Variants in SPATA31D1 observed in about 807,000 individuals in gnomAD.
The protein encoded by SPATA31D1 is SPATA31 subfamily D member 1, also known as spermatogenesis-associated protein 31D1.
Under a neutral mutation model 13.2 loss-of-function variants are expected in SPATA31D1, and 6 were observed. That is an observed-to-expected ratio of 0.46 (90% CI 0.25 to 0.90). SPATA31D1 has a LOEUF of 0.90. SPATA31D1 is among the 40% of genes least tolerant of loss of function. The pLI is 0.18. For missense variants in SPATA31D1, 2,445 were observed against 1,884.7 expected (o/e 1.30, Z -5.50); for synonymous variants, 903 against 718.8 (o/e 1.26, Z -4.10).
chr9:81,992,323 C>T lies in SPATA31D1; in HGVS notation c.1853C>T (p.Pro618Leu). The part of the protein sequence containing the change: ...RPQNEARSLL[P>L]SEINHLEWNV... ...CAGAACGAGGCACGGTCTCTTTTGC[C>T]ATCTGAAATTAACCATCTGGAGTGG... Residue 618 changes from proline (P) to leucine (L), a missense_variant, in exon 4 of 4, where the codon CCA (proline) becomes CTA (leucine). Pro to Leu is a moderately conservative substitution (Grantham distance 98, BLOSUM62 -3). Coordinates refer to ENST00000344803, the MANE Select transcript of SPATA31D1 (RefSeq NM_001001670.3). 2.5e-6 allele frequency: 4 copies of T among 1,613,800 alleles called. No homozygotes were observed. Among genetic ancestry groups the T allele is most frequent in the Non-Finnish European group, 3.4e-6 (4 of 1,179,732 alleles).
intron 1 of SPATA31D1, 105 bp downstream of exon 1, chr9:81,989,109 G>A (rs11789866): frequency 6.8e-7 from 1 of 1,476,346 alleles, no homozygotes; most frequent in African/African-American, 1.4e-5. Context: ...ACATGTTTTA[G>A]ATGGGAAGTC....
At chr9:81,987,731 C>T (rs1285964484), upstream of SPATA31D1, among the ~76,000 whole-genome samples, 1 of 151,942 alleles carries the variant, frequency 6.6e-6, no homozygotes, top group Non-Finnish European at 1.5e-5. Context: ...AACCATGCCC[C>T]AGAGAGTTGA....
In SPATA31D1 at chr9:81,995,148, C is replaced by T. The variant is rs748183023; in HGVS notation, c.4678C>T (p.Gln1560Ter). The change falls in exon 4 of 4, where the codon CAG becomes TAG. Residue 1560 changes from glutamine (Q) to a stop codon, truncating the protein, a stop_gained. Coordinates refer to ENST00000344803, the MANE Select transcript of SPATA31D1 (RefSeq NM_001001670.3). LOFTEE classifies it low-confidence loss of function (END_TRUNC). ...VFSDVPFLTGQKMLPKHLQGG... is the reference protein window; with the variant it reads ...VFSDVPFLTG ...TAGTGATGTGCCTTTCCTAACTGGACAGAAAATGCTTCCAAAGCATTTACA... is the reference window on the plus strand; with the variant it reads ...TAGTGATGTGCCTTTCCTAACTGGATAGAAAATGCTTCCAAAGCATTTACA... 26 of 1,586,704 alleles carry T rather than the reference C, an allele frequency of 1.6e-5. No homozygotes were observed. The highest frequency in any genetic ancestry group is 2.2e-5 in the Non-Finnish European group (26 of 1,165,502).
chr9:81,993,035 C>T lies in SPATA31D1; in HGVS notation c.2565C>T (p.His855=). 3 of 1,613,782 alleles carry T rather than the reference C, an allele frequency of 1.9e-6. No individual in the cohort carries two copies. Among genetic ancestry groups the T allele is most frequent in the Non-Finnish European group, 2.5e-6 (3 of 1,179,730 alleles). ...CTGGGACTGTGCATAGTTCATGGCA[C>T]TCAGTCAAGCAGACAATGTCTCTTC... The part of the protein sequence containing the change: ...RMPGTVHSSW[H]SVKQTMSLPE... Residue 855 remains histidine (H), a synonymous_variant, in exon 4 of 4, where the codon CAC becomes CAT. Coordinates refer to ENST00000344803, the MANE Select transcript of SPATA31D1 (RefSeq NM_001001670.3).
rs139638496 is a variant in SPATA31D1 at position 81,994,077 on chromosome 9, C to A, written c.3607C>A (p.Gln1203Lys). Reference sequence around the variant, plus strand: ...TCCTAAATCATCATACCTTAAAAATCAGATGTTGAGCCAGTTAAAGTTGGT... The same window carrying A: ...TCCTAAATCATCATACCTTAAAAATAAGATGTTGAGCCAGTTAAAGTTGGT... ...QDPKSSYLKN[Q>K]MLSQLKLVQR... The change falls in exon 4 of 4, where the codon CAG becomes AAG. Residue 1203 changes from glutamine to lysine, a missense_variant. Transcript: ENST00000344803. 540 of 1,613,804 alleles carry A rather than the reference C, an allele frequency of 3.3e-4. 2 individuals are homozygous for A. The African/African-American group carries it at 6.7e-3, about 20-fold the overall frequency.
rs1461737263 is a variant in SPATA31D1, at chr9:81,993,431, C to G, written c.2961C>G (p.His987Gln). Residue 987 changes from histidine to glutamine, a missense_variant, in exon 4 of 4, where the codon CAC becomes CAG. Physicochemically the swap from His to Gln is conservative, Grantham distance 24 (BLOSUM62 0). Transcript: ENST00000344803. ...TSSVPILDRP[H>Q]PVSSPVVQEG... ...CAGTCCCCATCCTTGATCGTCCTCACCCTGTCTCCTCACCTGTCGTCCAAG... is the reference window on the plus strand; with the variant it reads ...CAGTCCCCATCCTTGATCGTCCTCAGCCTGTCTCCTCACCTGTCGTCCAAG... 2.5e-6 allele frequency: 4 copies of G among 1,613,942 alleles called. No homozygotes were observed. Among genetic ancestry groups the G allele is most frequent in the Admixed American group, 1.7e-5 (1 of 60,016 alleles).
upstream of SPATA31D1, among the ~76,000 whole-genome samples, chr9:81,988,403 A>G (rs1213431655): frequency 1.3e-5 from 2 of 152,232 alleles, no homozygotes; most frequent in East Asian, 3.8e-4. Context: ...GACATATGTG[A>G]TCCTGAGAGT....
rs1564176085 is a variant in SPATA31D1 at position 81,994,486 on chromosome 9, C to A, written c.4016C>A (p.Thr1339Asn). 7 of 1,613,426 alleles carry A rather than the reference C, an allele frequency of 4.3e-6. No homozygotes were observed. Among genetic ancestry groups the A allele is most frequent in the Non-Finnish European group, 5.9e-6 (7 of 1,179,626 alleles). Reference protein sequence around the residue: ...GEVLGSKSSPTLKTQPPPENL... With the variant: ...GEVLGSKSSPNLKTQPPPENL... ...GTGCTTGGGAGCAAATCTTCCCCAA[C>A]CTTGAAAACACAGCCTCCTCCTGAA... Residue 1339 changes from threonine to asparagine, a missense_variant, in exon 4 of 4, where the codon ACC becomes AAC. Coordinates refer to ENST00000344803, the MANE Select transcript of SPATA31D1 (RefSeq NM_001001670.3).
At position 81,992,600 on chromosome 9, in the gene SPATA31D1, G is replaced by A; in HGVS notation, c.2130G>A (p.Leu710=). ...TGCCCCGCAGAATCCATGAGTCTCT[G>A]TCATTGCTACGTCCTCAGAGCAAAA... The part of the protein sequence containing the change: ...WGLPRRIHES[L]SLLRPQSKIS... Residue 710 remains leucine, a synonymous_variant, in exon 4 of 4, where the codon CTG becomes CTA. Transcript: ENST00000344803. The A allele has an allele frequency of 6.2e-7, 1 of 1,612,808 alleles. No homozygotes were observed. The highest frequency in any genetic ancestry group is 8.5e-7 in the Non-Finnish European group (1 of 1,179,732).
In SPATA31D1 at chr9:81,993,655, G is replaced by T; in HGVS notation, c.3185G>T (p.Gly1062Val). ...VTSPVNQEKQ[G>V]TLRREFSDTD... Reference sequence around the variant, plus strand: ...TCACCTGTCAACCAAGAAAAGCAGGGGACCCTGAGAAGAGAATTCTCTGAT... The same window carrying T: ...TCACCTGTCAACCAAGAAAAGCAGGTGACCCTGAGAAGAGAATTCTCTGAT... Residue 1062 changes from glycine (G) to valine (V), a missense_variant, in exon 4 of 4, where the codon GGG becomes GTG. Physicochemically the swap from Gly to Val is moderately radical, Grantham distance 109 (BLOSUM62 -3). Transcript: ENST00000344803. 6.2e-7 allele frequency: 1 copy of T among 1,613,956 alleles called. No homozygotes were observed. Among genetic ancestry groups the T allele is most frequent in the South Asian group, 1.1e-5 (1 of 91,082 alleles).
Position 81,992,539 on chromosome 9 carries a change from A to G in SPATA31D1, c.2069A>G (p.His690Arg). ...GAGGTAAGGAAGAAACTAGAGCAACACATTCGAAGGAGGCTCATCCAGCGC... is the reference window on the plus strand; with the variant it reads ...GAGGTAAGGAAGAAACTAGAGCAACGCATTCGAAGGAGGCTCATCCAGCGC... ...SSEVRKKLEQ[H>R]IRRRLIQRRW... Residue 690 changes from histidine (H) to arginine (R), a missense_variant, in exon 4 of 4, where the codon CAC (histidine) becomes CGC (arginine). Transcript: ENST00000344803. 2 of 1,611,966 alleles carry G rather than the reference A, an allele frequency of 1.2e-6. No homozygotes were observed. The highest frequency in any genetic ancestry group is 1.7e-6 in the Non-Finnish European group (2 of 1,179,722).
chr9:81,989,311 G>C (rs575972387), intron 1 of SPATA31D1, among the ~76,000 whole-genome samples: 1 of 152,312 alleles, frequency 6.6e-6, no homozygotes, highest in South Asian at 2.1e-4. Flanking sequence ...TTTAGAGATT[G>C]TGGGCTCTCT....
Position 81,988,931 on chromosome 9 carries a change from T to G in SPATA31D1, c.113T>G (p.Phe38Cys). ...NFICLSGLGLFILYLFYVVLT... is the reference protein window; with the variant it reads ...NFICLSGLGLCILYLFYVVLT... ...ATCTGCTTGAGTGGGTTGGGGTTGT[T>G]TATACTGTACTTGTTCTACGTGGTA... The change falls in exon 1 of 4, where the codon TTT (phenylalanine) becomes TGT (cysteine). Residue 38 changes from phenylalanine to cysteine, a missense_variant. Physicochemically the swap from Phe to Cys is radical, Grantham distance 205 (BLOSUM62 -2). Transcript: ENST00000344803. The G allele has an allele frequency of 6.2e-7, 1 of 1,612,482 alleles. No homozygotes were observed. Among genetic ancestry groups the G allele is most frequent in the Non-Finnish European group, 8.5e-7 (1 of 1,179,710 alleles).
upstream of SPATA31D1, chr9:81,988,689 T>C: frequency 6.9e-7 from 1 of 1,454,068 alleles, no homozygotes; most frequent in Admixed American, 2.1e-5. Flanking sequence ...CACACCCTCC[T>C]CTTGTTGCTC....
At position 81,990,445 on chromosome 9, in the gene SPATA31D1, AGAAGAG is replaced by A. The variant is rs1824928161; in HGVS notation, c.271_276del (p.Glu91_Glu92del). The A allele has an allele frequency of 6.2e-7, 1 of 1,608,808 alleles. No individual in the cohort carries two copies. The highest frequency in any genetic ancestry group is 1.3e-5 in the African/African-American group (1 of 74,880). ...TCCCAGACTGGAAAAGTTTCCAGAG[AGAAGAG>A]GAAGAGGAAAGGAAGCTGCTTTCTC... On this transcript the variant is annotated inframe_deletion, in exon 3 of 4. Transcript: ENST00000344803.
In SPATA31D1 at chr9:81,990,965, G is replaced by A. The variant is rs751217858; in HGVS notation, c.495G>A (p.Ala165=). 1.5e-5 allele frequency: 25 copies of A among 1,613,668 alleles called. No individual in the cohort carries two copies. The highest frequency in any genetic ancestry group is 1.2e-4 in the African/African-American group (9 of 74,896). ...SVSPLASSAS[A]TESSFTLAST... Reference sequence around the variant, plus strand: ...CCCCTTTGGCTTCTTCGGCTTCTGCGACTGAGTCATCGTTCACTCTGGCTT... The same window carrying A: ...CCCCTTTGGCTTCTTCGGCTTCTGCAACTGAGTCATCGTTCACTCTGGCTT... Residue 165 remains alanine, a synonymous_variant, in exon 4 of 4, where the codon GCG becomes GCA. Transcript: ENST00000344803.
intron 3 of SPATA31D1, 126 bp from the exon 4 acceptor site, chr9:81,990,647 G>A (rs1824933763): frequency 7.3e-7 from 1 of 1,376,018 alleles, no homozygotes; most frequent in Non-Finnish European, 9.9e-7. Context: ...GCTATAGTGA[G>A]GTCATAGGAC....
chr9:81,991,781 A>G lies in SPATA31D1; in HGVS notation c.1311A>G (p.Ser437=). The G allele has an allele frequency of 1.2e-6, 2 of 1,613,810 alleles. No individual in the cohort carries two copies. Among genetic ancestry groups the G allele is most frequent in the Non-Finnish European group, 1.7e-6 (2 of 1,179,732 alleles). Residue 437 remains serine, a synonymous_variant, in exon 4 of 4, where the codon TCA becomes TCG. Coordinates refer to ENST00000344803, the MANE Select transcript of SPATA31D1 (RefSeq NM_001001670.3). ...MWKENGKKPG[S]FPKQLRPNYQ... ...AAGAAAATGGAAAGAAACCAGGATCATTCCCAAAACAACTTAGGCCAAACT... is the reference window on the plus strand; with the variant it reads ...AAGAAAATGGAAAGAAACCAGGATCGTTCCCAAAACAACTTAGGCCAAACT...
Position 81,994,198 on chromosome 9 carries a change from G to T in SPATA31D1, c.3728G>T (p.Gly1243Val). 1.2e-6 allele frequency: 2 copies of T among 1,614,034 alleles called. No homozygotes were observed. Among genetic ancestry groups the T allele is most frequent in the East Asian group, 2.2e-5 (1 of 44,878 alleles). The change falls in exon 4 of 4, where the codon GGC becomes GTC. Residue 1243 changes from glycine to valine, a missense_variant. By Grantham distance (109) the Gly-to-Val change is moderately radical. Coordinates refer to ENST00000344803, the MANE Select transcript of SPATA31D1 (RefSeq NM_001001670.3). ...AAGGACTTACTGACTAATTCCCAGGGCATCTCGAGTGGGGACATGGGAACT... is the reference window on the plus strand; with the variant it reads ...AAGGACTTACTGACTAATTCCCAGGTCATCTCGAGTGGGGACATGGGAACT... The part of the protein sequence containing the change: ...SSKDLLTNSQ[G>V]ISSGDMGTSQ...
Sources: gnomAD v4.1 joint callset for allele counts (sites outside exome capture counted in the v4.1 genomes callset) on GRCh38, gnomAD v4.1.1 for gene constraint, MANE v1.5 for transcripts, NCBI Gene and HGNC (gene_info 2026-07-23, HGNC 2026-07-21) for gene names.